CELSR2: variants seen among roughly 807,000 people sequenced by gnomAD.
The protein encoded by CELSR2 is EGF-like protein 2.
A neutral mutation model predicts 251.6 loss-of-function variants in CELSR2; 81 were observed. The ratio of observed to expected loss-of-function variants is 0.32; its 90% CI spans 0.27 to 0.39. The LOEUF (loss-of-function observed/expected upper bound fraction) is 0.39. Ranked by LOEUF, CELSR2 falls within the 10% of genes least tolerant of loss-of-function variation. CELSR2 has a pLI of 1.00. For synonymous variants in CELSR2, 1,721 were observed against 1,670.5 expected (o/e 1.03, Z -0.74); for missense variants, 3,365 against 3,947.7 (o/e 0.85, Z 3.96).
Position 109,259,014 on chromosome 1 carries a change from GC to G in CELSR2, c.3898del (p.His1300ThrfsTer26). ...EVDLCYSRPC[G>X]PHGRCRSREG... ...GACCTCTGCTACTCGCGGCCCTGTGGCCCCCACGGGCGCTGCCGCAGCCGCG... is the reference window on the plus strand; with the variant it reads ...GACCTCTGCTACTCGCGGCCCTGTGGCCCCACGGGCGCTGCCGCAGCCGCG... On this transcript the variant is annotated frameshift_variant, in exon 2 of 34. Coordinates refer to ENST00000271332, the MANE Select transcript of CELSR2 (RefSeq NM_001408.3). LOFTEE classifies it high-confidence loss of function. 1 of 1,602,382 alleles carries G rather than the reference GC, an allele frequency of 6.2e-7. No individual in the cohort carries two copies.
At chr1:109,265,469 T>A (rs754721184) in intron 13 of CELSR2, among the ~76,000 whole-genome samples, 158 bp downstream of exon 13, 1 of 152,188 alleles carries the variant, frequency 6.6e-6, no homozygotes, top group Admixed American at 6.5e-5. Context: ...TACCTTCGTG[T>A]GTCTGAGGCG....
In CELSR2 at chr1:109,269,513, C is replaced by G; in HGVS notation, c.6902C>G (p.Pro2301Arg). The change falls in exon 21 of 34, where the codon CCC becomes CGC. Residue 2301 changes from proline to arginine, a missense_variant. Pro to Arg is a moderately radical substitution (Grantham distance 103). Coordinates refer to ENST00000271332, the MANE Select transcript of CELSR2 (RefSeq NM_001408.3). The surrounding 1 kb of genome is among the most constrained non-coding windows in gnomAD (Gnocchi z 6.4). The stretch of plus-strand genomic sequence containing the variant: ...CTTCTGCCCCGGGCCCTGGACAAAC[C>G]CGTCACGGTGCAGTTCCGCCTGCTG... ...EELLPRALDK[P>R]VTVQFRLLET... 6.2e-7 allele frequency: 1 copy of G among 1,614,130 alleles called. No individual in the cohort carries two copies. The highest frequency in any genetic ancestry group is 8.5e-7 in the Non-Finnish European group (1 of 1,180,028).
intron 24 of CELSR2, 83 bp from the exon 25 acceptor site, chr1:109,270,844 C>T: frequency 9.4e-7 from 1 of 1,058,956 alleles, no homozygotes; most frequent in Non-Finnish European, 1.4e-6. Context: ...TCATGCCTGG[C>T]CCTGTGAGCC....
chr1:109,258,395 G>C (rs756090031), intron 1 of CELSR2, 37 bp from the exon 2 acceptor site: 1 of 1,477,790 alleles, frequency 6.8e-7, no homozygotes, highest in Non-Finnish European at 9.1e-7. Flanking sequence ...CTGAATTGCA[G>C]CCCCAGGCTG....
At chr1:109,266,559 A>ATTTTT (rs35994599) in intron 15 of CELSR2, 1,777 of 83,606 alleles carry the variant, frequency 0.021, 126 homozygotes, top group African/African-American at 0.094. Context: ...CACCTGGCTA[A>ATTTTT]TTTTTTTTTT....
intron 1 of CELSR2, among the ~76,000 whole-genome samples, chr1:109,253,594 G>T (rs1031726958): frequency 6.6e-6 from 1 of 152,260 alleles, no homozygotes; most frequent in Non-Finnish European, 1.5e-5. Flanking sequence ...CTTCTGCTGG[G>T]CTGGGCTGGG....
rs779428307 is a variant in CELSR2, at chr1:109,258,763, C to T, written c.3642C>T (p.Ser1214=). The T allele has an allele frequency of 6.3e-7, 1 of 1,591,548 alleles. No homozygotes were observed. The highest frequency in any genetic ancestry group is 8.6e-7 in the Non-Finnish European group (1 of 1,169,404). The change falls in exon 2 of 34, where the codon AGC becomes AGT. Residue 1214 remains serine, a synonymous_variant. Coordinates refer to ENST00000271332, the MANE Select transcript of CELSR2 (RefSeq NM_001408.3). ...AGGAGCGCCTATACCTCAACCGCAGCCTGCTGACGGCCATCTCGGCACAGC... is the reference window on the plus strand; with the variant it reads ...AGGAGCGCCTATACCTCAACCGCAGTCTGCTGACGGCCATCTCGGCACAGC... ...DLQERLYLNR[S]LLTAISAQRV...
rs774233142 is a variant in CELSR2 at position 109,258,929 on chromosome 1, G to C, written c.3808G>C (p.Gly1270Arg). The C allele has an allele frequency of 1.1e-5, 18 of 1,611,856 alleles. No homozygotes were observed. Among genetic ancestry groups the C allele is most frequent in the Non-Finnish European group, 1.3e-5 (15 of 1,179,576 alleles). ...SVLFRPIHPV[G>R]GLRCRCPPGF... Reference sequence around the variant, plus strand: ...GCTCTTCCGGCCCATCCACCCCGTCGGAGGGCTGCGCTGCCGCTGCCCGCC... The same window carrying C: ...GCTCTTCCGGCCCATCCACCCCGTCCGAGGGCTGCGCTGCCGCTGCCCGCC... The change falls in exon 2 of 34, where the codon GGA becomes CGA. Residue 1270 changes from glycine to arginine, a missense_variant. Gly to Arg is a moderately radical substitution (Grantham distance 125). This residue lies in a region of CELSR2 where 2,093 missense variants were observed against 2,382.8 expected (regional missense o/e 0.88). Coordinates refer to ENST00000271332, the MANE Select transcript of CELSR2 (RefSeq NM_001408.3).
At chr1:109,259,703 G>A (rs146872849) in intron 2 of CELSR2, among the ~76,000 whole-genome samples, 2 of 152,276 alleles carry the variant, frequency 1.3e-5, no homozygotes, top group African/African-American at 4.8e-5. Flanking sequence ...GGAACTGGAG[G>A]GGGTTGAGTT....
At position 109,262,917 on chromosome 1, in the gene CELSR2, C is replaced by T; in HGVS notation, c.4656C>T (p.Asp1552=). The change falls in exon 7 of 34, where the codon GAC becomes GAT. Residue 1552 remains aspartate, a synonymous_variant. Coordinates refer to ENST00000271332, the MANE Select transcript of CELSR2 (RefSeq NM_001408.3). ...FVGCMRNLQV[D]SRHIDMADFI... ...GCTGCATGCGGAACCTGCAGGTGGA[C>T]AGCCGGCACATAGACATGGCTGACT... The T allele has an allele frequency of 6.2e-7, 1 of 1,613,852 alleles. No individual in the cohort carries two copies. The highest frequency in any genetic ancestry group is 1.3e-5 in the African/African-American group (1 of 75,068).
Position 109,274,118 on chromosome 1 carries a change from T to C in CELSR2, c.*69T>C, listed in dbSNP as rs1440436598. ...CAGCCGCACTCATGCCCTGCTCCTG[T>C]CTTGTGCTTTATCCTGCCCCGCTCC... is the stretch of plus-strand genomic sequence containing the variant. On this transcript the variant is annotated 3_prime_UTR_variant, in exon 34 of 34. Coordinates refer to ENST00000271332, the MANE Select transcript of CELSR2 (RefSeq NM_001408.3). 3 of 1,612,944 alleles carry C rather than the reference T, an allele frequency of 1.9e-6. No individual in the cohort carries two copies. The highest frequency in any genetic ancestry group is 2.5e-6 in the Non-Finnish European group (3 of 1,179,914).
rs6689614 is a variant in CELSR2, at chr1:109,264,477, G to C, written c.5313G>C (p.Pro1771=). The part of the protein sequence containing the change: ...CLQGVRVSDT[P]EGVNSLDPSH... ...AGGGTGTGCGGGTGAGCGATACGCC[G>C]GAGGGGGTTAACAGCCTGGATCCCA... Residue 1771 remains proline, a synonymous_variant, in exon 11 of 34, where the codon CCG becomes CCC. Coordinates refer to ENST00000271332, the MANE Select transcript of CELSR2 (RefSeq NM_001408.3). 6.2e-7 allele frequency: 1 copy of C among 1,613,086 alleles called. No homozygotes were observed. Among genetic ancestry groups the C allele is most frequent in the African/African-American group, 1.3e-5 (1 of 74,932 alleles).
In CELSR2 at chr1:109,267,845, G is replaced by C; in HGVS notation, c.6109-6G>C. The C allele has an allele frequency of 6.2e-7, 1 of 1,600,176 alleles. No homozygotes were observed. The highest frequency in any genetic ancestry group is 8.5e-7 in the Non-Finnish European group (1 of 1,173,828). Reference sequence around the variant, plus strand: ...CACTCCTGCTCCTCCGCTCCGTCCTGTCTAGGCTGAGCGGCTACAGCGGAA... The same window carrying C: ...CACTCCTGCTCCTCCGCTCCGTCCTCTCTAGGCTGAGCGGCTACAGCGGAA... On this transcript the variant is annotated splice_region_variant and splice_polypyrimidine_tract_variant and intron_variant, in intron 16 of 33. Transcript: ENST00000271332.
chr1:109,262,496 A>G, intron 6 of CELSR2, 52 bp downstream of exon 6: 1 of 1,590,812 alleles, frequency 6.3e-7, no homozygotes, highest in Non-Finnish European at 8.6e-7. Context: ...AGGGCCAGGC[A>G]GGGAGGGAAG....
In CELSR2 at chr1:109,252,173, T is replaced by A. The variant is rs755041316; in HGVS notation, c.2094T>A (p.Ile698=). Residue 698 remains isoleucine, a synonymous_variant, in exon 1 of 34, where the codon ATT becomes ATA. Coordinates refer to ENST00000271332, the MANE Select transcript of CELSR2 (RefSeq NM_001408.3). The surrounding 1 kb of genome is among the most constrained non-coding windows in gnomAD (Gnocchi z 4.8). ...SDGTRQDTAQ[I]VVNVTDANTH... ...GCACTCGGCAGGACACGGCACAGATTGTGGTGAATGTCACCGACGCCAACA... is the reference window on the plus strand; with the variant it reads ...GCACTCGGCAGGACACGGCACAGATAGTGGTGAATGTCACCGACGCCAACA... 2 of 1,613,936 alleles carry A rather than the reference T, an allele frequency of 1.2e-6. No homozygotes were observed. Among genetic ancestry groups the A allele is most frequent in the Non-Finnish European group, 1.7e-6 (2 of 1,180,034 alleles).
rs1656008362 is a variant in CELSR2, at chr1:109,261,128, G to A, written c.4045G>A (p.Gly1349Ser). 1 of 1,614,128 alleles carries A rather than the reference G, an allele frequency of 6.2e-7. No individual in the cohort carries two copies. Among genetic ancestry groups the A allele is most frequent in the Non-Finnish European group, 8.5e-7 (1 of 1,180,018 alleles). ...GGGCACCTGTGTCAACCTGCTGGTG[G>A]GCGGTTTCAAGTGCGATTGCCCATC... ...NGGTCVNLLV[G>S]GFKCDCPSGD... Residue 1349 changes from glycine (G) to serine (S), a missense_variant, in exon 3 of 34, where the codon GGC (glycine) becomes AGC (serine). Around this residue, in one of 5 missense-constraint regions of CELSR2, gnomAD observed 2,093 missense variants for 2,382.8 expected, o/e 0.88. Coordinates refer to ENST00000271332, the MANE Select transcript of CELSR2 (RefSeq NM_001408.3). This position sits in a 1 kb window ranked among gnomAD's most constrained non-coding sequence, Gnocchi z 4.8.
chr1:109,267,420 A>C, intron 15 of CELSR2, 128 bp from the exon 16 acceptor site: 1 of 738,728 alleles, frequency 1.4e-6, no homozygotes, highest in Non-Finnish European at 2.2e-6. Context: ...CTGTTTCACC[A>C]GGGCCCTTGT....
rs746893169 is a variant in CELSR2, at chr1:109,253,298, C to T, written c.3219C>T (p.Val1073=). The T allele has an allele frequency of 7.4e-6, 12 of 1,613,338 alleles. No individual in the cohort carries two copies. In the East Asian group the frequency reaches 2.4e-4, roughly 33 times the overall value. ...AGCGGGGAAATGAACTCAGCCTGGT[C>T]CTGCTCAATGCCTCCACGGGTGAGC... ...SFERGNELSL[V]LLNASTGELK... Residue 1073 remains valine (V), a synonymous_variant, in exon 1 of 34, where the codon GTC becomes GTT. Coordinates refer to ENST00000271332, the MANE Select transcript of CELSR2 (RefSeq NM_001408.3).
rs369490352 is a variant in CELSR2 at position 109,258,643 on chromosome 1, C to T, written c.3522C>T (p.Asp1174=). 111 of 1,553,170 alleles carry T rather than the reference C, an allele frequency of 7.1e-5. No homozygotes were observed. Among genetic ancestry groups the T allele is most frequent in the Admixed American group, 6.6e-4 (34 of 51,226 alleles). ...TCTTCAACGTACAGCGGGACACCGA[C>T]GCCCCCGGGGGCCACATCCTCAACG... ...VVVFNVQRDT[D]APGGHILNVS... Residue 1174 remains aspartate (D), a synonymous_variant, in exon 2 of 34, where the codon GAC becomes GAT. Coordinates refer to ENST00000271332, the MANE Select transcript of CELSR2 (RefSeq NM_001408.3).
Sources: gnomAD v4.1 joint callset for allele counts (sites outside exome capture counted in the v4.1 genomes callset) on GRCh38, gnomAD v4.1.1 for gene constraint, gnomAD v4.1.1 regional missense constraint, Gnocchi (gnomAD v3.1) non-coding constraint, MANE v1.5 for transcripts, NCBI Gene and HGNC (gene_info 2026-07-23, HGNC 2026-07-21) for gene names.